The following RIN2 variants were observed in gnomAD, a reference collection of about 807,000 sequenced individuals.
RIN2 encodes Ras and Rab interactor 2.
RIN2 carries 36 observed loss-of-function variants against 78.0 expected under a neutral mutation model. The observed-to-expected ratio is 0.46, with a 90% CI of 0.35 to 0.61. The LOEUF (loss-of-function observed/expected upper bound fraction) is 0.61, where lower values mean the gene tolerates loss of function less well. Among genes scored for constraint, RIN2 ranks in the 20% least tolerant of loss-of-function variants. The pLI is 0.00. For missense variants in RIN2, 1,087 were observed against 1,159.7 expected (o/e 0.94, Z 0.91); for synonymous variants, 466 against 466.8 (o/e 1.00, Z 0.02).
intron 3 of RIN2, among the ~76,000 whole-genome samples, chr20:19,919,785 A>T (rs751706265): frequency 1.7e-4 from 26 of 152,098 alleles, no homozygotes; most frequent in Non-Finnish European, 3.1e-4. Flanking sequence ...CAGCCTGGAC[A>T]ACAGAGCTCA....
At chr20:19,773,155 A>T (rs983082989) in intron 1 of RIN2, among the ~76,000 whole-genome samples, 1 of 152,200 alleles carries the variant, frequency 6.6e-6, no homozygotes, top group Admixed American at 6.5e-5. Flanking sequence ...GCATCCCTCC[A>T]GTCCTCCATG....
At chr20:19,971,050 G>T in intron 8 of RIN2, 121 bp downstream of exon 8, 1 of 719,366 alleles carries the variant, frequency 1.4e-6, no homozygotes. Flanking sequence ...CAGTGAGTTT[G>T]GGCTATCCAA....
In RIN2 at chr20:19,975,760, G is replaced by A. The variant is rs543200432; in HGVS notation, c.1735G>A (p.Glu579Lys). 1 of 1,611,712 alleles carries A rather than the reference G, an allele frequency of 6.2e-7. No individual in the cohort carries two copies. The highest frequency in any genetic ancestry group is 8.5e-7 in the Non-Finnish European group (1 of 1,179,110). The change falls in exon 9 of 13, where the codon GAG becomes AAG. Residue 579 changes from glutamate to lysine, a missense_variant. Transcript: ENST00000255006. This position sits in a 1 kb window ranked among gnomAD's most constrained non-coding sequence, Gnocchi z 4.9. The part of the protein sequence containing the change: ...SQSSELDPPI[E>K]SLIPEDQIDV... ...GAGCTCGGAGCTGGACCCCCCCATC[G>A]AGTCGCTGATCCCTGAAGACCAAAT...
chr20:19,841,422 C>T (rs2036572906), intron 2 of RIN2, among the ~76,000 whole-genome samples: 1 of 151,924 alleles, frequency 6.6e-6, no homozygotes, highest in Admixed American at 6.5e-5. Context: ...AAACGCAGCC[C>T]CATAGATTTT....
chr20:19,963,180 A>T (rs1267320298), intron 6 of RIN2, among the ~76,000 whole-genome samples: 1 of 152,196 alleles, frequency 6.6e-6, no homozygotes, highest in African/African-American at 2.4e-5. Flanking sequence ...GCTCCAAATC[A>T]GTTCCCTCCT....
Position 19,975,020 on chromosome 20 carries a change from C to T in RIN2, c.995C>T (p.Thr332Met), listed in dbSNP as rs180981486. The T allele has an allele frequency of 3.7e-6, 6 of 1,612,842 alleles. No homozygotes were observed. The highest frequency in any genetic ancestry group is 5.1e-6 in the Non-Finnish European group (6 of 1,179,792). ...CGGCTGGCCAGGACTGAAACCCAGA[C>T]GAGCATGCCAGAAACAGTCAACCAT... ...SPRLARTETQ[T>M]SMPETVNHNK... Residue 332 changes from threonine to methionine, a missense_variant, in exon 9 of 13, where the codon ACG becomes ATG. By Grantham distance (81) the Thr-to-Met change is moderately conservative. Transcript: ENST00000255006. The surrounding 1 kb of genome is among the most constrained non-coding windows in gnomAD (Gnocchi z 4.9).
chr20:19,978,869 G>A (rs1477537826), intron 9 of RIN2, among the ~76,000 whole-genome samples: 1 of 152,176 alleles, frequency 6.6e-6, no homozygotes, highest in Non-Finnish European at 1.5e-5. Context: ...GCAGTTTGGG[G>A]GCCCTACTTA....
At chr20:19,844,772 A>G (rs1177198272) in intron 2 of RIN2, among the ~76,000 whole-genome samples, 1 of 149,322 alleles carries the variant, frequency 6.7e-6, no homozygotes, top group Admixed American at 6.7e-5. Context: ...TCTGGGATAC[A>G]TGTACAGGAC....
At chr20:19,982,080 C>A (rs1212653329) in intron 9 of RIN2, among the ~76,000 whole-genome samples, 1 of 152,084 alleles carries the variant, frequency 6.6e-6, no homozygotes, top group Non-Finnish European at 1.5e-5. Flanking sequence ...TGCAGGAACC[C>A]CAGTGTGGTT....
At chr20:19,787,874 G>A (rs2034733927) in intron 1 of RIN2, among the ~76,000 whole-genome samples, 2 of 152,050 alleles carry the variant, frequency 1.3e-5, no homozygotes, top group African/African-American at 4.8e-5. Flanking sequence ...ACTACCCTAT[G>A]CATTACACAA....
At chr20:19,870,714 A>G (rs988216610) in intron 2 of RIN2, among the ~76,000 whole-genome samples, 2 of 152,212 alleles carry the variant, frequency 1.3e-5, no homozygotes, top group African/African-American at 4.8e-5. Context: ...ATTGATATTG[A>G]TGTAGAATCT....
intron 1 of RIN2, among the ~76,000 whole-genome samples, chr20:19,762,213 G>T (rs1457949995): frequency 6.6e-6 from 1 of 152,186 alleles, no homozygotes; most frequent in South Asian, 2.1e-4. Context: ...TTTGAAATCA[G>T]GTATTTTTAA....
chr20:19,959,176 C>A (rs1198254826), intron 5 of RIN2, among the ~76,000 whole-genome samples: 1 of 152,212 alleles, frequency 6.6e-6, no homozygotes, highest in Non-Finnish European at 1.5e-5. Context: ...TTCACTACAA[C>A]TTTACTCAGA....
At chr20:19,761,340 T>C (rs1045770387) in intron 1 of RIN2, among the ~76,000 whole-genome samples, 1 of 152,204 alleles carries the variant, frequency 6.6e-6, no homozygotes, top group Non-Finnish European at 1.5e-5. Flanking sequence ...GGATGCAGTT[T>C]TGCTAAACAA....
intron 4 of RIN2, among the ~76,000 whole-genome samples, chr20:19,942,288 A>T (rs1442297352): frequency 1.3e-5 from 2 of 152,168 alleles, no homozygotes; most frequent in Non-Finnish European, 2.9e-5. Flanking sequence ...AGGACAGCAG[A>T]TGTCCCAAGA....
In RIN2 at chr20:19,976,333, C is replaced by T. The variant is rs189266490; in HGVS notation, c.1762+546C>T. ...GAACCTGACCAGCATCTAGGGACCCCGGGCCCCCTGTTCTCCCTCAAGGTT... is the reference window on the plus strand; with the variant it reads ...GAACCTGACCAGCATCTAGGGACCCTGGGCCCCCTGTTCTCCCTCAAGGTT... On this transcript the variant is annotated intron_variant, in intron 9 of 12. Transcript: ENST00000255006. Among the ~76,000 whole-genome samples, 304 of 152,278 alleles carry T rather than the reference C, an allele frequency of 2.0e-3. 1 individual carries two copies. The highest frequency in any genetic ancestry group is 6.7e-3 in the African/African-American group (279 of 41,562).
At chr20:19,827,419 A>G (rs2036126777) in intron 2 of RIN2, among the ~76,000 whole-genome samples, 1 of 152,236 alleles carries the variant, frequency 6.6e-6, no homozygotes, top group Non-Finnish European at 1.5e-5. Context: ...AAGAATTCCA[A>G]GAGCAATCAT....
At chr20:19,895,311 A>G (rs900785487) in intron 3 of RIN2, among the ~76,000 whole-genome samples, 1 of 152,186 alleles carries the variant, frequency 6.6e-6, no homozygotes, top group Non-Finnish European at 1.5e-5. Flanking sequence ...CCTGAGAGGG[A>G]TCCTCTTATA....
intron 3 of RIN2, among the ~76,000 whole-genome samples, chr20:19,919,667 G>A (rs1202175995): frequency 2.0e-5 from 3 of 151,926 alleles, no homozygotes; most frequent in Non-Finnish European, 2.9e-5. Context: ...TTAGCCAGGC[G>A]TGGTGGCATA....
Sources: gnomAD v4.1 joint callset for allele counts (sites outside exome capture counted in the v4.1 genomes callset) on GRCh38, gnomAD v4.1.1 for gene constraint, Gnocchi (gnomAD v3.1) non-coding constraint, MANE v1.5 for transcripts, NCBI Gene and HGNC (gene_info 2026-07-23, HGNC 2026-07-21) for gene names.